The following KCNMA1 variants were observed in gnomAD, a reference collection of about 807,000 sequenced individuals.
KCNMA1 encodes Calcium-activated potassium channel subunit alpha-1.
In KCNMA1, 29 loss-of-function variants were observed where a neutral mutation model predicts 140.0. That is an observed-to-expected ratio of 0.21 (90% CI 0.15 to 0.28). The LOEUF (loss-of-function observed/expected upper bound fraction) is 0.28. KCNMA1 is among the 10% of genes least tolerant of loss of function. The pLI is 1.00. For synonymous variants in KCNMA1, 612 were observed against 611.9 expected (o/e 1.00, Z 0.00); for missense variants, 880 against 1,602.2 (o/e 0.55, Z 7.70).
chr10:77,389,155 T>G (rs2095719676), intron 2 of KCNMA1, among the ~76,000 whole-genome samples: 1 of 152,202 alleles, frequency 6.6e-6, no homozygotes, highest in African/African-American at 2.4e-5. Context: ...GAATTTTCAT[T>G]TGGGGAATTT....
At chr10:77,558,908 C>G (rs1044516628) in intron 1 of KCNMA1, among the ~76,000 whole-genome samples, 1 of 152,228 alleles carries the variant, frequency 6.6e-6, no homozygotes, top group Non-Finnish European at 1.5e-5. Flanking sequence ...TCTAATGAGT[C>G]TTTCTTTAAA....
intron 3 of KCNMA1, among the ~76,000 whole-genome samples, chr10:77,224,666 G>A (rs2050737531): frequency 6.6e-6 from 1 of 152,118 alleles, no homozygotes; most frequent in African/African-American, 2.4e-5. Flanking sequence ...CACTCCCATT[G>A]CAGTGCCAAC....
chr10:77,078,337 T>G (rs1052997307), intron 13 of KCNMA1, among the ~76,000 whole-genome samples: 5 of 152,158 alleles, frequency 3.3e-5, no homozygotes, highest in African/African-American at 1.2e-4. Context: ...TTCCCTCCCC[T>G]AAAGCTGTTT....
intron 5 of KCNMA1, among the ~76,000 whole-genome samples, chr10:77,141,731 A>T (rs2098175217): frequency 6.6e-6 from 1 of 152,248 alleles, no homozygotes; most frequent in South Asian, 2.1e-4. Flanking sequence ...AGAGAGGGGA[A>T]ACATTAAAAA....
chr10:77,373,235 C>T (rs745969953), intron 2 of KCNMA1, among the ~76,000 whole-genome samples: 1 of 152,182 alleles, frequency 6.6e-6, no homozygotes, highest in African/African-American at 2.4e-5. Context: ...GACATGTCCA[C>T]ATTCTAGATT....
chr10:77,289,371 G>A (rs2072314626), intron 2 of KCNMA1, among the ~76,000 whole-genome samples: 1 of 152,142 alleles, frequency 6.6e-6, no homozygotes, highest in Admixed American at 6.5e-5. Flanking sequence ...TCATCAGCAG[G>A]CATCTGTAAC....
At chr10:77,257,188 T>C (rs985245385) in intron 2 of KCNMA1, among the ~76,000 whole-genome samples, 1 of 152,208 alleles carries the variant, frequency 6.6e-6, no homozygotes, top group Non-Finnish European at 1.5e-5. Context: ...TTTTGAGAGA[T>C]AATATCATTC....
At chr10:76,949,744 AT>A (rs879274402) in intron 21 of KCNMA1, among the ~76,000 whole-genome samples, 1 of 152,190 alleles carries the variant, frequency 6.6e-6, no homozygotes, top group Non-Finnish European at 1.5e-5. Flanking sequence ...TTTCCATGAA[AT>A]TGTTGATTAA....
At chr10:76,934,716 C>T (rs1227751440) in intron 23 of KCNMA1, among the ~76,000 whole-genome samples, 1 of 152,150 alleles carries the variant, frequency 6.6e-6, no homozygotes, top group Non-Finnish European at 1.5e-5. Context: ...TCCAGAATTT[C>T]ATGAGGTGTC....
Position 77,290,583 on chromosome 10 carries a change from A to G in KCNMA1, c.541-39327T>C, listed in dbSNP as rs2072873724. ...CCCAATTATTCACGTGCACAGACCCATAATTGGGAGTTAGATGTTTTCCTT... is the reference window on the plus strand; with the variant it reads ...CCCAATTATTCACGTGCACAGACCCGTAATTGGGAGTTAGATGTTTTCCTT... On this transcript the variant is annotated intron_variant, in intron 2 of 27. Coordinates refer to ENST00000286628, the MANE Select transcript of KCNMA1 (RefSeq NM_001161352.2). Among the ~76,000 whole-genome samples, 3 of 152,220 alleles carry G rather than the reference A, an allele frequency of 2.0e-5. No homozygotes were observed. In the South Asian group the frequency reaches 6.2e-4, roughly 32 times the overall value.
At chr10:77,005,250 A>G (rs1429772573) in intron 18 of KCNMA1, among the ~76,000 whole-genome samples, 1 of 152,220 alleles carries the variant, frequency 6.6e-6, no homozygotes, top group Non-Finnish European at 1.5e-5. Flanking sequence ...TGTCATTTCA[A>G]TTCAATGGCT....
intron 1 of KCNMA1, among the ~76,000 whole-genome samples, chr10:77,550,057 A>G (rs989538682): frequency 4.6e-5 from 7 of 152,230 alleles, no homozygotes; most frequent in African/African-American, 1.7e-4. Context: ...AAGATTCAGC[A>G]TTGTGCACGC....
chr10:77,558,876 G>A (rs2065414123), intron 1 of KCNMA1, among the ~76,000 whole-genome samples: 3 of 152,192 alleles, frequency 2.0e-5, no homozygotes, highest in African/African-American at 7.2e-5. Context: ...TGGCCTGTTG[G>A]CCTCCCCAAA....
At chr10:77,452,276 G>C (rs1169486498) in intron 1 of KCNMA1, among the ~76,000 whole-genome samples, 5 of 152,158 alleles carry the variant, frequency 3.3e-5, no homozygotes, top group Non-Finnish European at 7.3e-5. Context: ...CCAGATGGGG[G>C]AGATGATCAC....
chr10:77,031,849 C>G (rs1027216534), intron 15 of KCNMA1, among the ~76,000 whole-genome samples: 1 of 152,128 alleles, frequency 6.6e-6, no homozygotes, highest in African/African-American at 2.4e-5. Flanking sequence ...AAAGAGTAAG[C>G]CTTCAGTAAA....
chr10:77,184,026 T>G (rs553583659), intron 4 of KCNMA1, among the ~76,000 whole-genome samples: 1 of 151,936 alleles, frequency 6.6e-6, no homozygotes, highest in African/African-American at 2.4e-5. Flanking sequence ...CTCATTCATG[T>G]AAATATAACT....
intron 23 of KCNMA1, among the ~76,000 whole-genome samples, chr10:76,916,473 A>G (rs1564887968): frequency 6.6e-6 from 1 of 152,228 alleles, no homozygotes; most frequent in Non-Finnish European, 1.5e-5. Flanking sequence ...CATCTGGTAA[A>G]AATTAATTTT....
At chr10:77,245,408 A>G (rs2058335164) in intron 3 of KCNMA1, among the ~76,000 whole-genome samples, 1 of 152,180 alleles carries the variant, frequency 6.6e-6, no homozygotes, top group Non-Finnish European at 1.5e-5. Context: ...CTGTCCTCAC[A>G]GCTCTCCCAG....
intron 1 of KCNMA1, among the ~76,000 whole-genome samples, chr10:77,482,476 T>C (rs1472945111): frequency 6.6e-6 from 1 of 152,246 alleles, no homozygotes; most frequent in African/African-American, 2.4e-5. Context: ...CTCCTCCTTC[T>C]GTCTCTGACC....
Sources: allele counts gnomAD v4.1 joint callset (sites outside exome capture counted in the v4.1 genomes callset), GRCh38; gene constraint gnomAD v4.1.1; transcripts MANE v1.5; gene names NCBI Gene and HGNC (gene_info 2026-07-23, HGNC 2026-07-21).